The following MTRES1 variants were observed in gnomAD, a reference collection of about 807,000 sequenced individuals.
The protein encoded by MTRES1 is mitochondrial transcription rescue factor 1, also known as uncharacterized protein C6orf203.
In MTRES1, 11 loss-of-function variants were observed where a neutral mutation model predicts 17.4. The observed-to-expected ratio is 0.63, with a 90% CI of 0.40 to 1.05. MTRES1 has a LOEUF of 1.05. Among genes scored for constraint, MTRES1 ranks in the 50% least tolerant of loss-of-function variants. MTRES1 has a pLI of 0.00. For missense variants in MTRES1, 268 were observed against 276.2 expected, an observed-to-expected ratio of 0.97 and a Z score of 0.21; for synonymous variants, 94 against 99.6, an observed-to-expected ratio of 0.94 and a Z score of 0.34.
At chr6:107,032,175 T>G (rs1773867993) in intron 1 of MTRES1, among the ~76,000 whole-genome samples, 2 of 152,130 alleles carry the variant, frequency 1.3e-5, no homozygotes. Context: ...AAGAGGTTTG[T>G]GTAATTGCTT....
In MTRES1 at chr6:107,029,037, T is replaced by C. The variant is rs1582586302; in HGVS notation, c.-13+766T>C. The stretch of plus-strand genomic sequence containing the variant: ...TGTTGTTTTGTTTTGTTTTGTTTTG[T>C]TTTTTTGAGACGGAGTCTTGCTCTG... On this transcript the variant is annotated intron_variant, in intron 1 of 3. Transcript: ENST00000311381. The C allele has an allele frequency of 1.2e-5, 3 of 253,814 alleles. No homozygotes were observed. The South Asian group carries it at 4.4e-4, about 37-fold the overall frequency. 15.7% of individuals were successfully genotyped at this position (253,814 alleles called of 1,614,324 possible). A position where few individuals can be genotyped will look rare whatever the true frequency, so the allele number is the denominator to read the frequency against.
intron 2 of MTRES1, among the ~76,000 whole-genome samples, chr6:107,042,227 C>A (rs188970138): frequency 1.2e-4 from 18 of 149,038 alleles, no homozygotes; most frequent in African/African-American, 4.2e-4. Flanking sequence ...GTGGTTCCAG[C>A]TACTTGGGAG....
chr6:107,040,311 A>G, intron 2 of MTRES1, 81 bp downstream of exon 2: 1 of 1,307,074 alleles, frequency 7.7e-7, no homozygotes, highest in Non-Finnish European at 1.0e-6. Context: ...CTTGGCCCAT[A>G]TTATGGTGAA....
chr6:107,039,465 G>T (rs1023713146), intron 1 of MTRES1, among the ~76,000 whole-genome samples: 2 of 151,896 alleles, frequency 1.3e-5, no homozygotes, highest in East Asian at 3.9e-4. Context: ...GATTACAGGC[G>T]CCTGCCACCA....
intron 1 of MTRES1, among the ~76,000 whole-genome samples, chr6:107,029,492 T>C (rs1439115904): frequency 6.9e-6 from 1 of 145,086 alleles, no homozygotes; most frequent in Non-Finnish European, 1.5e-5. Flanking sequence ...CGGCCTGTTT[T>C]GTTGTTTTTT....
At chr6:107,048,464 T>A (rs1187095029) in intron 3 of MTRES1, among the ~76,000 whole-genome samples, 1 of 151,090 alleles carries the variant, frequency 6.6e-6, no homozygotes. Context: ...AATGTCCACA[T>A]AGGCTGAAGT....
intron 2 of MTRES1, among the ~76,000 whole-genome samples, chr6:107,041,118 C>CA (rs1334618506): frequency 1.4e-5 from 2 of 145,648 alleles, no homozygotes; most frequent in Non-Finnish European, 3.0e-5. Flanking sequence ...CCCAGCTACT[C>CA]GGAGGCTGAG....
At chr6:107,029,975 A>T in intron 1 of MTRES1, 1 of 670,990 alleles carries the variant, frequency 1.5e-6, no homozygotes, top group Non-Finnish European at 2.7e-6. Flanking sequence ...ACCAGCTATC[A>T]TATAATTTAC....
chr6:107,043,676 A>G (rs1187790084), intron 2 of MTRES1, among the ~76,000 whole-genome samples: 1 of 152,182 alleles, frequency 6.6e-6, no homozygotes, highest in Non-Finnish European at 1.5e-5. Flanking sequence ...GAGGAAGAGG[A>G]GGAAGAGGAG....
In MTRES1 at chr6:107,031,701, A is replaced by G. The variant is rs184810255; in HGVS notation, c.-13+3430A>G. ...CTGCAACCTCTGCCTCCCGGGTTCA[A>G]GCGGTTCTCGTGCCTCATCCTACTG... On this transcript the variant is annotated intron_variant, in intron 1 of 3. Transcript: ENST00000311381. 2.6e-3 allele frequency among the ~76,000 whole-genome samples: 389 copies of G among 152,150 alleles called. 2 individuals carry two copies. The highest frequency in any genetic ancestry group is 9.1e-3 in the African/African-American group (377 of 41,518).
intron 3 of MTRES1, among the ~76,000 whole-genome samples, chr6:107,049,894 T>C (rs1032826218): frequency 1.3e-5 from 2 of 152,106 alleles, no homozygotes; most frequent in Non-Finnish European, 2.9e-5. Flanking sequence ...GCTAATTTTG[T>C]ATTTTTAGTA....
At chr6:107,040,349 A>G (rs1774160572) in intron 2 of MTRES1, 119 bp downstream of exon 2, 1 of 839,388 alleles carries the variant, frequency 1.2e-6, no homozygotes, top group African/African-American at 1.7e-5. Context: ...GGACCTTTGT[A>G]GGTAACCTGT....
chr6:107,029,991 G>GC (rs782007265), intron 1 of MTRES1: 1 of 507,200 alleles, frequency 2.0e-6, no homozygotes, highest in Non-Finnish European at 3.5e-6. Flanking sequence ...TTTACAGGGT[G>GC]TTTTTTTTTT....
In MTRES1 at chr6:107,037,298, G is replaced by A. The variant is rs148286583; in HGVS notation, c.-12-2451G>A. Among the ~76,000 whole-genome samples, 675 of 152,116 alleles carry A rather than the reference G, an allele frequency of 4.4e-3. 5 individuals carry two copies. Among genetic ancestry groups the A allele is most frequent in the Middle Eastern group, 0.01 (3 of 292 alleles). On this transcript the variant is annotated intron_variant, in intron 1 of 3. Coordinates refer to ENST00000311381, the MANE Select transcript of MTRES1 (RefSeq NM_016487.5). ...TTGGCCAGGATGGTCTCAAGCACCTGACCTCAAGTGATCTGCCCGCCTCAG... is the reference window on the plus strand; with the variant it reads ...TTGGCCAGGATGGTCTCAAGCACCTAACCTCAAGTGATCTGCCCGCCTCAG...
At chr6:107,046,282 G>T (rs1217883493) in intron 3 of MTRES1, among the ~76,000 whole-genome samples, 1 of 152,106 alleles carries the variant, frequency 6.6e-6, no homozygotes, top group Non-Finnish European at 1.5e-5. Context: ...CCCTGTCTCT[G>T]TGCTGGGGCC....
chr6:107,044,969 G>C (rs527660101), intron 3 of MTRES1, among the ~76,000 whole-genome samples: 1 of 151,826 alleles, frequency 6.6e-6, no homozygotes, highest in Non-Finnish European at 1.5e-5. Context: ...CCAGCAGATC[G>C]CTTGAGCCCA....
chr6:107,045,092 G>A (rs781788035), intron 3 of MTRES1, among the ~76,000 whole-genome samples: 1 of 152,014 alleles, frequency 6.6e-6, no homozygotes, highest in African/African-American at 2.4e-5. Flanking sequence ...GGCTGAGACG[G>A]GAGGATTATC....
chr6:107,040,992 CA>C (rs1175316627), intron 2 of MTRES1: 1 of 150,882 alleles, frequency 6.6e-6, no homozygotes, highest in African/African-American at 2.4e-5. Context: ...TTTGGGAGGC[CA>C]AGGCGGGCGG....
At chr6:107,039,249 T>C (rs1554227273) in intron 1 of MTRES1, among the ~76,000 whole-genome samples, 1 of 152,112 alleles carries the variant, frequency 6.6e-6, no homozygotes, top group African/African-American at 2.4e-5. Flanking sequence ...GCTAGAAGAT[T>C]CACTGTGCTG....
Sources: gnomAD v4.1 joint callset for allele counts (sites outside exome capture counted in the v4.1 genomes callset) on GRCh38, gnomAD v4.1.1 for gene constraint, MANE v1.5 for transcripts, NCBI Gene and HGNC (gene_info 2026-07-23, HGNC 2026-07-21) for gene names.